The following ELOVL6 variants were observed in gnomAD, a reference collection of about 807,000 sequenced individuals.
ELOVL6 encodes the protein ELOVL fatty acid elongase 6.
A neutral mutation model predicts 31.7 loss-of-function variants in ELOVL6; 8 were observed. That is an observed-to-expected ratio of 0.25 (90% CI 0.15 to 0.45). The LOEUF is 0.45. Ranked by LOEUF, ELOVL6 falls within the 20% of genes least tolerant of loss-of-function variation. The pLI is 1.00. For synonymous variants in ELOVL6, 101 were observed against 117.7 expected (o/e 0.86, Z 0.92); for missense variants, 126 against 326.4 (o/e 0.39, Z 4.73).
intron 1 of ELOVL6, among the ~76,000 whole-genome samples, chr4:110,157,376 T>G (rs1430101792): frequency 6.6e-6 from 1 of 152,174 alleles, no homozygotes; most frequent in East Asian, 1.9e-4. Context: ...TACTCTAAAA[T>G]ATGTCTTGGA....
At chr4:110,099,649 T>C (rs2126243702) in intron 2 of ELOVL6, among the ~76,000 whole-genome samples, 1 of 152,334 alleles carries the variant, frequency 6.6e-6, no homozygotes, top group Non-Finnish European at 1.5e-5. Context: ...TTGATCTGTG[T>C]TAGGTCAAGA....
intron 1 of ELOVL6, among the ~76,000 whole-genome samples, chr4:110,128,968 T>C (rs1011028464): frequency 6.6e-5 from 10 of 152,224 alleles, no homozygotes; most frequent in African/African-American, 2.4e-4. Context: ...ACTAAGATTT[T>C]AGGTGGGTGC....
At chr4:110,166,568 G>A (rs367586039) in intron 1 of ELOVL6, among the ~76,000 whole-genome samples, 2 of 152,120 alleles carry the variant, frequency 1.3e-5, no homozygotes, top group South Asian at 2.1e-4. Context: ...AGCCGAGATC[G>A]CGCCACTGCA....
chr4:110,061,534 C>T (rs1755137146), intron 2 of ELOVL6, among the ~76,000 whole-genome samples: 1 of 137,108 alleles, frequency 7.3e-6, no homozygotes, highest in Non-Finnish European at 1.5e-5. Flanking sequence ...CTGTCTTTCC[C>T]TCACCAAATG....
intron 1 of ELOVL6, among the ~76,000 whole-genome samples, chr4:110,141,265 G>A (rs543301997): frequency 1.6e-4 from 24 of 152,174 alleles, no homozygotes; most frequent in African/African-American, 3.4e-4. Flanking sequence ...GTTTCTCCAT[G>A]TTGGTCAGGC....
intron 3 of ELOVL6, among the ~76,000 whole-genome samples, chr4:110,052,979 G>T (rs1754873656): frequency 6.6e-6 from 1 of 152,160 alleles, no homozygotes; most frequent in African/African-American, 2.4e-5. Flanking sequence ...ACAGGGTCTT[G>T]CCCTGTCACC....
chr4:110,189,934 T>C (rs1759564221), intron 1 of ELOVL6, among the ~76,000 whole-genome samples: 2 of 148,330 alleles, frequency 1.3e-5, no homozygotes, highest in South Asian at 2.1e-4. Flanking sequence ...GCCACTGCAC[T>C]CCAGCCTGGG....
At chr4:110,152,303 G>A (rs1201652013) in intron 1 of ELOVL6, among the ~76,000 whole-genome samples, 1 of 152,162 alleles carries the variant, frequency 6.6e-6, no homozygotes, top group East Asian at 1.9e-4. Flanking sequence ...CAAAATGATT[G>A]AGGAAAAAAC....
intron 1 of ELOVL6, among the ~76,000 whole-genome samples, chr4:110,139,978 C>A (rs1224831693): frequency 6.6e-6 from 1 of 152,172 alleles, no homozygotes; most frequent in Non-Finnish European, 1.5e-5. Context: ...TGTCACTGGT[C>A]TGTTTGGTAT....
chr4:110,051,189 C>T lies in ELOVL6; in HGVS notation c.*149G>A, dbSNP rs1255133662. 9 of 784,758 alleles carry T rather than the reference C, an allele frequency of 1.1e-5. No individual in the cohort carries two copies. Among genetic ancestry groups the T allele is most frequent in the Admixed American group, 1.1e-4 (4 of 34,898 alleles). The allele number at this position is 784,758 out of a possible 1,614,324, so 48.6% of individuals were successfully genotyped here. A position where few individuals can be genotyped will look rare whatever the true frequency, so the allele number is the denominator to read the frequency against. On this transcript the variant is annotated 3_prime_UTR_variant, in exon 4 of 4. Coordinates refer to ENST00000302274, the MANE Select transcript of ELOVL6 (RefSeq NM_024090.3). The surrounding 1 kb of genome is among the most constrained non-coding windows in gnomAD (Gnocchi z 4.8). ...TCATAAACTTACTGGGTTAAATCAA[C>T]CTAATTATCCCTAAGCTGCCTTGGG...
intron 1 of ELOVL6, among the ~76,000 whole-genome samples, chr4:110,138,879 T>C (rs921505551): frequency 1.3e-5 from 2 of 152,134 alleles, no homozygotes; most frequent in African/African-American, 4.8e-5. Context: ...ATTACACCCA[T>C]AGTACCTAAG....
chr4:110,070,903 T>C (rs1222482875), intron 2 of ELOVL6, among the ~76,000 whole-genome samples: 1 of 152,122 alleles, frequency 6.6e-6, no homozygotes, highest in African/African-American at 2.4e-5. Flanking sequence ...TTAATCAGCC[T>C]CAGGTAGCTC....
intron 2 of ELOVL6, among the ~76,000 whole-genome samples, chr4:110,076,430 A>G (rs772504030): frequency 6.6e-6 from 1 of 152,252 alleles, no homozygotes; most frequent in Non-Finnish European, 1.5e-5. Context: ...TAGAACACAC[A>G]GAGAAAACTG....
intron 1 of ELOVL6, among the ~76,000 whole-genome samples, chr4:110,188,206 A>G (rs941822799): frequency 2.0e-5 from 3 of 152,192 alleles, no homozygotes; most frequent in East Asian, 1.9e-4. Context: ...CAAGAAATTA[A>G]TATCACAGAG....
chr4:110,122,055 G>A (rs184915479), intron 1 of ELOVL6, among the ~76,000 whole-genome samples: 15 of 152,262 alleles, frequency 9.9e-5, no homozygotes, highest in African/African-American at 2.4e-4. Context: ...ATACTACACC[G>A]TTGTTTTGTC....
At chr4:110,061,260 C>T (rs547396164) in intron 2 of ELOVL6, among the ~76,000 whole-genome samples, 27 of 152,282 alleles carry the variant, frequency 1.8e-4, no homozygotes, top group Admixed American at 7.8e-4. Context: ...CACCTCCTGC[C>T]ATTCTCTTCT....
intron 1 of ELOVL6, among the ~76,000 whole-genome samples, chr4:110,176,838 C>A (rs1174607971): frequency 6.6e-6 from 1 of 152,126 alleles, no homozygotes; most frequent in East Asian, 1.9e-4. Context: ...CAGGTTCAAG[C>A]GATTCTCCTG....
chr4:110,131,444 A>C (rs1217251906), intron 1 of ELOVL6, among the ~76,000 whole-genome samples: 1 of 152,222 alleles, frequency 6.6e-6, no homozygotes, highest in Non-Finnish European at 1.5e-5. Context: ...TAGAATTATC[A>C]GTAACAAATC....
rs1754766638 is a variant in ELOVL6, at chr4:110,048,906, T to C, written c.*2432A>G. On this transcript the variant is annotated 3_prime_UTR_variant, in exon 4 of 4. Coordinates refer to ENST00000302274, the MANE Select transcript of ELOVL6 (RefSeq NM_024090.3). ...TTTGGAAGCATCATTTAGAGTCTTT[T>C]TAAGGTTTATGCTCACTTCCGTTTC... The C allele has an allele frequency of 1.3e-5, 2 of 152,232 alleles. No homozygotes were observed. Among genetic ancestry groups the C allele is most frequent in the African/African-American group, 4.8e-5 (2 of 41,458 alleles). 9.4% of individuals were successfully genotyped at this position (152,232 alleles called of 1,614,324 possible). A position where few individuals can be genotyped will look rare whatever the true frequency, so the allele number is the denominator to read the frequency against.
Sources: gnomAD v4.1 joint callset for allele counts (sites outside exome capture counted in the v4.1 genomes callset) on GRCh38, gnomAD v4.1.1 for gene constraint, Gnocchi (gnomAD v3.1) non-coding constraint, MANE v1.5 for transcripts, NCBI Gene and HGNC (gene_info 2026-07-23, HGNC 2026-07-21) for gene names.